The following EIF4E1B variants were observed in gnomAD, a reference collection of about 807,000 sequenced individuals.
EIF4E1B encodes the protein eukaryotic translation initiation factor 4E type 1B.
Under a neutral mutation model 31.3 loss-of-function variants are expected in EIF4E1B, and 22 were observed. The ratio of observed to expected loss-of-function variants is 0.70; its 90% CI spans 0.50 to 1.00. EIF4E1B has a LOEUF of 1.00. EIF4E1B is among the 50% of genes least tolerant of loss of function. The probability of loss-of-function intolerance (pLI) is 0.00; values close to 1 mark genes in which losing one functional copy is unlikely to be tolerated. For synonymous variants in EIF4E1B, 126 were observed against 120.2 expected (o/e 1.05, Z -0.31); for missense variants, 290 against 311.6 (o/e 0.93, Z 0.52).
At chr5:176,635,439 T>TA (rs1406166405) in intron 1 of EIF4E1B, among the ~76,000 whole-genome samples, 1 of 152,100 alleles carries the variant, frequency 6.6e-6, no homozygotes, top group Non-Finnish European at 1.5e-5. Context: ...AGAAGGACCT[T>TA]ACAAGTGGTG....
At position 176,644,391 on chromosome 5, in the gene EIF4E1B, C is replaced by T. The variant is rs1405787413; in HGVS notation, c.312C>T (p.Ile104=). ...CTCTGTCCAGGCTATACAGTCACAT[C>T]CAGCTGGCCAGCAAGCTCTCCTCTG... ...VEDFWALYSH[I]QLASKLSSGC... Residue 104 remains isoleucine, a synonymous_variant, in exon 6 of 9, where the codon ATC becomes ATT. Transcript: ENST00000318682. 2 of 1,592,244 alleles carry T rather than the reference C, an allele frequency of 1.3e-6. No individual in the cohort carries two copies. Among genetic ancestry groups the T allele is most frequent in the East Asian group, 2.3e-5 (1 of 43,918 alleles).
intron 1 of EIF4E1B, among the ~76,000 whole-genome samples, chr5:176,633,620 C>A (rs1467892901): frequency 6.6e-6 from 1 of 151,892 alleles, no homozygotes. Flanking sequence ...CATGAGCTGC[C>A]CAGTATTTAA....
rs1760698329 is a variant in EIF4E1B, at chr5:176,645,941, C to T, written c.690C>T (p.Thr230=). 1 of 1,610,282 alleles carries T rather than the reference C, an allele frequency of 6.2e-7. No individual in the cohort carries two copies. Among genetic ancestry groups the T allele is most frequent in the Admixed American group, 1.7e-5 (1 of 59,564 alleles). ...IGYQAHADTA[T]KSNSLAKNKF... is the part of the protein sequence containing the mutation. ...ACCAGGCCCATGCAGACACAGCCAC[C>T]AAGAGCAACTCCCTAGCCAAGAACA... The change falls in exon 9 of 9, where the codon ACC becomes ACT. Residue 230 remains threonine (T), a synonymous_variant. Transcript: ENST00000318682. This position sits in a 1 kb window ranked among gnomAD's most constrained non-coding sequence, Gnocchi z 5.4.
chr5:176,631,819 C>T (rs999375484), intron 1 of EIF4E1B, among the ~76,000 whole-genome samples: 4 of 152,184 alleles, frequency 2.6e-5, no homozygotes, highest in African/African-American at 4.8e-5. Flanking sequence ...GAATTGATCC[C>T]GTGCGACTCT....
chr5:176,642,910 G>C (rs1261061207), intron 3 of EIF4E1B, 108 bp downstream of exon 3: 20 of 1,445,884 alleles, frequency 1.4e-5, no homozygotes, highest in Non-Finnish European at 1.8e-5. Context: ...AAAGCTGGTA[G>C]CTGGGGGCTT....
chr5:176,633,087 G>A (rs1056283657), intron 1 of EIF4E1B, among the ~76,000 whole-genome samples: 8 of 152,240 alleles, frequency 5.3e-5, no homozygotes, highest in Non-Finnish European at 8.8e-5. Context: ...TCCATGCCCA[G>A]CCATGGCATC....
chr5:176,644,192 G>C, intron 5 of EIF4E1B, 184 bp from the exon 6 acceptor site: 1 of 636,896 alleles, frequency 1.6e-6, no homozygotes, highest in South Asian at 2.0e-5. Flanking sequence ...CACTGGGAAG[G>C]CTCTGTGGAA....
At chr5:176,642,870 C>CCCCCCCCCCCGGGGGGGGGGG in intron 3 of EIF4E1B, 68 bp downstream of exon 3, 1 of 1,426,054 alleles carries the variant, frequency 7.0e-7, no homozygotes, top group Non-Finnish European at 9.5e-7. Context: ...CCCCCCGCCC[C>CCCCCCCCCCCGGGGGGGGGGG]AGGTGGGCGG....
At chr5:176,643,061 T>A (rs1198468309) in intron 3 of EIF4E1B, 21 bp from the exon 4 acceptor site, 1 of 1,593,854 alleles carries the variant, frequency 6.3e-7, no homozygotes, top group African/African-American at 1.3e-5. Context: ...CAACCCATCC[T>A]GACTCCTTTT....
At chr5:176,632,168 A>G (rs528030814) in intron 1 of EIF4E1B, among the ~76,000 whole-genome samples, 14 of 152,234 alleles carry the variant, frequency 9.2e-5, no homozygotes, top group Non-Finnish European at 2.1e-4. Flanking sequence ...ATACTAACAT[A>G]TACATACTTA....
intron 4 of EIF4E1B, 117 bp downstream of exon 4, chr5:176,643,383 GC>G: frequency 1.5e-6 from 2 of 1,317,686 alleles, no homozygotes; most frequent in Admixed American, 2.4e-5. Flanking sequence ...TCCGTGGGAG[GC>G]CAGGGCTGAC....
At chr5:176,644,207 TG>T in intron 5 of EIF4E1B, 168 bp from the exon 6 acceptor site, 2 of 673,250 alleles carry the variant, frequency 3.0e-6, no homozygotes, top group Non-Finnish European at 4.9e-6. Flanking sequence ...GTGGAAAAGG[TG>T]GGTCTTGAGA....
rs1481007874 is a variant in EIF4E1B at position 176,646,158 on chromosome 5, T to C, written c.*178T>C. On this transcript the variant is annotated 3_prime_UTR_variant, in exon 9 of 9. Coordinates refer to ENST00000318682, the MANE Select transcript of EIF4E1B (RefSeq NM_001099408.2). ...CTGAGCCTTAGGGGCTAGATGGGGG[T>C]AGTGGTGGCAGTCTGAGGACCTAGC... The C allele has an allele frequency of 3.4e-6, 2 of 587,720 alleles. No individual in the cohort carries two copies. Among genetic ancestry groups the C allele is most frequent in the Admixed American group, 6.0e-5 (2 of 33,354 alleles). The allele number at this position is 587,720 out of a possible 1,614,324, so 36.4% of individuals were successfully genotyped here.
At chr5:176,643,978 T>C in intron 5 of EIF4E1B, 1 of 575,732 alleles carries the variant, frequency 1.7e-6, no homozygotes, top group East Asian at 2.9e-5. Context: ...CTCCAGGGCT[T>C]TGTGACCTGG....
At position 176,644,430 on chromosome 5, in the gene EIF4E1B, C is replaced by G; in HGVS notation, c.351C>G (p.Ala117=). The change falls in exon 6 of 9, where the codon GCC becomes GCG. Residue 117 remains alanine (A), a synonymous_variant. Coordinates refer to ENST00000318682, the MANE Select transcript of EIF4E1B (RefSeq NM_001099408.2). The stretch of plus-strand genomic sequence containing the variant: ...AGCTCTCCTCTGGCTGTGACTACGC[C>G]CTCTTCAAGGTAAGCTCTGCTCTCC... The part of the protein sequence containing the change: ...ASKLSSGCDY[A]LFKDGIQPMW... 1 of 1,595,716 alleles carries G rather than the reference C, an allele frequency of 6.3e-7. No individual in the cohort carries two copies. Among genetic ancestry groups the G allele is most frequent in the Non-Finnish European group, 8.5e-7 (1 of 1,170,984 alleles).
In EIF4E1B at chr5:176,645,758, G is replaced by T; in HGVS notation, c.615-108G>T. The stretch of plus-strand genomic sequence containing the variant: ...TTTCCACATGGGTAAGACACAACAG[G>T]TGTGGCTGTGGCCAGAATGAGGGTA... On this transcript the variant is annotated intron_variant, in intron 8 of 8. Transcript: ENST00000318682. This position sits in a 1 kb window ranked among gnomAD's most constrained non-coding sequence, Gnocchi z 5.4. 1 of 1,144,674 alleles carries T rather than the reference G, an allele frequency of 8.7e-7. No homozygotes were observed. The highest frequency in any genetic ancestry group is 1.2e-6 in the Non-Finnish European group (1 of 819,088). The allele number at this position is 1,144,674 out of a possible 1,614,324, so 70.9% of individuals were successfully genotyped here. A position where few individuals can be genotyped will look rare whatever the true frequency, so the allele number is the denominator to read the frequency against.
chr5:176,645,280 G>T lies in EIF4E1B; in HGVS notation c.474+37G>T. 1 of 1,599,348 alleles carries T rather than the reference G, an allele frequency of 6.3e-7. No individual in the cohort carries two copies. The highest frequency in any genetic ancestry group is 1.1e-5 in the South Asian group (1 of 89,222). On this transcript the variant is annotated intron_variant, in intron 7 of 8. Coordinates refer to ENST00000318682, the MANE Select transcript of EIF4E1B (RefSeq NM_001099408.2). The surrounding 1 kb of genome is among the most constrained non-coding windows in gnomAD (Gnocchi z 5.4). ...GAGGAGGGTCCTCAGGGGAAGAGAC[G>T]GGCTGTGTGGGTCTCATGGTGGCAG...
intron 4 of EIF4E1B, 82 bp from the exon 5 acceptor site, chr5:176,643,557 G>GGTCC: frequency 7.4e-7 from 1 of 1,353,370 alleles, no homozygotes; most frequent in South Asian, 1.3e-5. Flanking sequence ...TGAAGGGGAG[G>GGTCC]GTCCTCCCTG....
Position 176,646,602 on chromosome 5 carries a change from A to C in EIF4E1B, c.*622A>C, listed in dbSNP as rs1760718396. 1 of 152,368 alleles carries C rather than the reference A, an allele frequency of 6.6e-6. No individual in the cohort carries two copies. Among genetic ancestry groups the C allele is most frequent in the East Asian group, 1.9e-4 (1 of 5,198 alleles). 9.4% of individuals were successfully genotyped at this position (152,368 alleles called of 1,614,324 possible). Reference sequence around the variant, plus strand: ...GGATAAACTTGATAATAAAAGCTTAAGCATCTTTCTGTTCCTGTTTTAAAT... The same window carrying C: ...GGATAAACTTGATAATAAAAGCTTACGCATCTTTCTGTTCCTGTTTTAAAT... On this transcript the variant is annotated 3_prime_UTR_variant, in exon 9 of 9. Transcript: ENST00000318682.
Sources: gnomAD v4.1 joint callset for allele counts (sites outside exome capture counted in the v4.1 genomes callset) on GRCh38, gnomAD v4.1.1 for gene constraint, Gnocchi (gnomAD v3.1) non-coding constraint, MANE v1.5 for transcripts, NCBI Gene and HGNC (gene_info 2026-07-23, HGNC 2026-07-21) for gene names.